INO80: variants seen among roughly 807,000 people sequenced by gnomAD.
INO80 encodes INO80 complex ATPase subunit.
INO80 carries 20 observed loss-of-function variants against 203.4 expected under a neutral mutation model. That is an observed-to-expected ratio of 0.10 (90% CI 0.07 to 0.14). The LOEUF (loss-of-function observed/expected upper bound fraction) is 0.14. Ranked by LOEUF, INO80 falls within the 10% of genes least tolerant of loss-of-function variation. The probability of loss-of-function intolerance (pLI) is 1.00; values close to 1 mark genes in which losing one functional copy is unlikely to be tolerated. For missense variants in INO80, 1,419 were observed against 1,914.4 expected, an observed-to-expected ratio of 0.74 and a Z score of 4.83; for synonymous variants, 726 against 685.2, an observed-to-expected ratio of 1.06 and a Z score of -0.93.
At chr15:41,016,470 C>T (rs1429309506) in intron 26 of INO80, among the ~76,000 whole-genome samples, 1 of 152,226 alleles carries the variant, frequency 6.6e-6, no homozygotes, top group African/African-American at 2.4e-5. Context: ...TCTTAAGGCA[C>T]TTAAAAGCAT....
chr15:41,096,397 T>C (rs887029187), intron 1 of INO80, 44 bp from the exon 2 acceptor site: 30 of 1,334,670 alleles, frequency 2.2e-5, no homozygotes, highest in Admixed American at 2.9e-5. Flanking sequence ...TTACTATCCA[T>C]TCTCCCTTTC....
intron 7 of INO80, among the ~76,000 whole-genome samples, chr15:41,082,250 CAAAAAAAA>C (rs60486605): frequency 1.8e-5 from 1 of 54,680 alleles, no homozygotes; most frequent in Non-Finnish European, 4.1e-5. Context: ...AACTCCGTCT[CAAAAAAAA>C]AAAAAAAAAA....
chr15:41,109,210 T>C (rs892913885), intron 1 of INO80: 1 of 152,442 alleles, frequency 6.6e-6, no homozygotes, highest in South Asian at 2.1e-4. Flanking sequence ...TCCCAGCACT[T>C]TGGGAGGCTG....
intron 14 of INO80, among the ~76,000 whole-genome samples, chr15:41,062,174 A>T (rs937657924): frequency 6.6e-6 from 1 of 152,234 alleles, no homozygotes; most frequent in Non-Finnish European, 1.5e-5. Context: ...CCTACAGCAT[A>T]TAAGTCGAGA....
chr15:41,012,670 C>A (rs1001555070), intron 27 of INO80, among the ~76,000 whole-genome samples: 1 of 151,464 alleles, frequency 6.6e-6, no homozygotes, highest in Admixed American at 6.6e-5. Context: ...TTGGCTTCTG[C>A]CCGTGGCAAA....
chr15:41,006,765 C>T (rs538881940), intron 27 of INO80, among the ~76,000 whole-genome samples: 74 of 152,268 alleles, frequency 4.9e-4, no homozygotes, highest in African/African-American at 1.8e-3. Flanking sequence ...AGCTCATTGA[C>T]ATATGCATCT....
intron 27 of INO80, among the ~76,000 whole-genome samples, chr15:41,015,773 T>A (rs1431839663): frequency 8.1e-6 from 1 of 123,748 alleles, no homozygotes; most frequent in African/African-American, 3.7e-5. Context: ...CCATCTCTAC[T>A]TAAAAAAAAA....
rs866961002 is a variant in INO80, at chr15:41,058,578, T to C, written c.1985+61A>G. ...GTGTGTGTGTGTGTGTGCGTGTGTG[T>C]GTGTGTGTGTGTGTGTACTTAACCC... is the stretch of plus-strand genomic sequence containing the variant. On this transcript the variant is annotated intron_variant, in intron 16 of 35. Transcript: ENST00000648947. 2,373 of 1,228,712 alleles carry C rather than the reference T, an allele frequency of 1.9e-3. 2 individuals are homozygous for C. Among genetic ancestry groups the C allele is most frequent in the Middle Eastern group, 2.7e-3 (13 of 4,888 alleles). 76.1% of individuals were successfully genotyped at this position (1,228,712 alleles called of 1,614,324 possible).
intron 35 of INO80, among the ~76,000 whole-genome samples, chr15:40,981,133 A>G (rs1436726907): frequency 2.0e-5 from 3 of 152,222 alleles, no homozygotes; most frequent in Admixed American, 1.3e-4. Context: ...TTTCCAAAAA[A>G]GAATTCTAAG....
chr15:41,099,923 T>TATA (rs1384696061), intron 1 of INO80, among the ~76,000 whole-genome samples: 1 of 152,192 alleles, frequency 6.6e-6, no homozygotes, highest in Non-Finnish European at 1.5e-5. Context: ...TTGATACATG[T>TATA]ATAAATGTAA....
intron 9 of INO80, among the ~76,000 whole-genome samples, chr15:41,078,475 T>A (rs1037754277): frequency 5.8e-5 from 7 of 119,794 alleles, no homozygotes; most frequent in Non-Finnish European, 1.2e-4. Context: ...AAGCATCAAA[T>A]GTTTACTAAC....
chr15:41,005,596 T>G lies in INO80; in HGVS notation c.3494A>C (p.Asn1165Thr). Residue 1165 changes from asparagine (N) to threonine (T), a missense_variant, in exon 28 of 36, where the codon AAC becomes ACC. This residue lies in a region of INO80 where 65 missense variants were observed against 186.7 expected (regional missense o/e 0.35). Coordinates refer to ENST00000648947, the MANE Select transcript of INO80 (RefSeq NM_017553.3). Reference sequence around the variant, plus strand: ...TTGTAATTCCCATGAACATTACCTGTTCTGAAAATCAGCAACCATGTCTCG... The same window carrying G: ...TTGTAATTCCCATGAACATTACCTGGTCTGAAAATCAGCAACCATGTCTCG... ...ERRDMVADFQ[N>T]RNDIFVFLLS... 6.4e-7 allele frequency: 1 copy of G among 1,561,408 alleles called. No individual in the cohort carries two copies. Among genetic ancestry groups the G allele is most frequent in the Non-Finnish European group, 8.8e-7 (1 of 1,133,798 alleles).
At chr15:41,094,551 T>A (rs1020098474) in intron 4 of INO80, among the ~76,000 whole-genome samples, 2 of 152,184 alleles carry the variant, frequency 1.3e-5, no homozygotes, top group African/African-American at 4.8e-5. Flanking sequence ...TGCCCAACCA[T>A]AATCGTACCT....
chr15:41,095,584 C>T lies in INO80; in HGVS notation c.381+17G>A, dbSNP rs1278159520. ...AGTAGACTATCTGCACTGTAAACAC[C>T]CTGCTTTATCTCTTACCTTTAGCCA... On this transcript the variant is annotated intron_variant, in intron 4 of 35. Coordinates refer to ENST00000648947, the MANE Select transcript of INO80 (RefSeq NM_017553.3). 1.3e-6 allele frequency: 2 copies of T among 1,583,350 alleles called. No individual in the cohort carries two copies. The highest frequency in any genetic ancestry group is 1.7e-6 in the Non-Finnish European group (2 of 1,153,374).
At chr15:41,034,613 A>C (rs1364806664) in intron 24 of INO80, among the ~76,000 whole-genome samples, 1 of 152,234 alleles carries the variant, frequency 6.6e-6, no homozygotes, top group Non-Finnish European at 1.5e-5. Flanking sequence ...AAGATGACAA[A>C]GCTGAATATG....
At chr15:41,035,078 G>A (rs2044548216) in intron 24 of INO80, among the ~76,000 whole-genome samples, 1 of 152,188 alleles carries the variant, frequency 6.6e-6, no homozygotes, top group South Asian at 2.1e-4. Context: ...CATTTGCTGT[G>A]AAGAAACACG....
intron 1 of INO80, among the ~76,000 whole-genome samples, chr15:41,105,867 C>G (rs1236578653): frequency 1.3e-5 from 2 of 152,126 alleles, no homozygotes; most frequent in Non-Finnish European, 2.9e-5. Flanking sequence ...CAACAAGATA[C>G]TCAAGGTTCA....
chr15:41,085,831 A>C (rs754994276), intron 6 of INO80, among the ~76,000 whole-genome samples: 15 of 152,186 alleles, frequency 9.9e-5, no homozygotes, highest in Non-Finnish European at 1.8e-4. Flanking sequence ...TATGAAAGTG[A>C]AATACAGAAT....
At chr15:41,011,044 G>GCAACC (rs1339940051) in intron 27 of INO80, among the ~76,000 whole-genome samples, 5 of 152,244 alleles carry the variant, frequency 3.3e-5, no homozygotes, top group Admixed American at 3.3e-4. Context: ...CTAGCAAAAG[G>GCAACC]CAATCATGGG....
Sources: allele counts gnomAD v4.1 joint callset (sites outside exome capture counted in the v4.1 genomes callset), GRCh38; gene constraint gnomAD v4.1.1; regional missense constraint gnomAD v4.1.1; transcripts MANE v1.5; gene names NCBI Gene and HGNC (gene_info 2026-07-23, HGNC 2026-07-21).